Variants in AASS observed in about 807,000 individuals in gnomAD.
AASS encodes aminoadipate-semialdehyde synthase.
AASS carries 86 observed loss-of-function variants against 105.4 expected under a neutral mutation model. The ratio of observed to expected loss-of-function variants is 0.82; its 90% CI spans 0.69 to 0.98. AASS has a LOEUF of 0.98. AASS is among the 50% of genes least tolerant of loss of function. AASS has a pLI of 0.00. For synonymous variants in AASS, 381 were observed against 394.8 expected, an observed-to-expected ratio of 0.96 and a Z score of 0.41; for missense variants, 1,048 against 1,143.2, an observed-to-expected ratio of 0.92 and a Z score of 1.20.
intron 23 of AASS, among the ~76,000 whole-genome samples, chr7:122,077,437 C>T (rs1195778848): frequency 6.6e-6 from 1 of 151,990 alleles, no homozygotes; most frequent in African/African-American, 2.4e-5. Flanking sequence ...TGGCAAAAAC[C>T]AAAGAAAGAA....
chr7:122,113,856 G>C (rs1584868318), intron 9 of AASS, 136 bp from the exon 10 acceptor site: 2 of 899,164 alleles, frequency 2.2e-6, no homozygotes, highest in East Asian at 2.8e-5. Context: ...TTTTCCTATA[G>C]CTCATTCTTC....
chr7:122,087,954 G>A (rs577354541), intron 18 of AASS, among the ~76,000 whole-genome samples: 2 of 152,118 alleles, frequency 1.3e-5, no homozygotes, highest in Non-Finnish European at 2.9e-5. Flanking sequence ...GAGAATGGCA[G>A]GTGGCTAAGC....
chr7:122,137,955 G>T (rs796300311), intron 1 of AASS, among the ~76,000 whole-genome samples: 3 of 152,178 alleles, frequency 2.0e-5, no homozygotes, highest in African/African-American at 7.2e-5. Context: ...AAAGCAGGAG[G>T]CAGAGAGGGG....
At chr7:122,079,521 T>C (rs1793205560) in intron 21 of AASS, 76 bp downstream of exon 21, 9 of 1,264,640 alleles carry the variant, frequency 7.1e-6, no homozygotes, top group Non-Finnish European at 1.0e-5. Context: ...ATGTAAAATA[T>C]TTAACTTTTT....
chr7:122,134,631 A>G (rs1482218795), intron 1 of AASS, among the ~76,000 whole-genome samples: 1 of 152,198 alleles, frequency 6.6e-6, no homozygotes, highest in Non-Finnish European at 1.5e-5. Flanking sequence ...GGATTTTACA[A>G]AAGTATTGGT....
At chr7:122,131,589 G>A (rs1039851500) in intron 2 of AASS, among the ~76,000 whole-genome samples, 1 of 151,708 alleles carries the variant, frequency 6.6e-6, no homozygotes, top group Admixed American at 6.6e-5. Context: ...AGGTCTTTTA[G>A]TATCAGTATT....
intron 15 of AASS, among the ~76,000 whole-genome samples, chr7:122,096,661 G>A: frequency 6.6e-6 from 1 of 151,880 alleles, no homozygotes; most frequent in Non-Finnish European, 1.5e-5. Context: ...GAATGTTATA[G>A]GATAACATTG....
intron 19 of AASS, among the ~76,000 whole-genome samples, chr7:122,085,518 C>G (rs2215359): frequency 6.6e-6 from 1 of 152,068 alleles, no homozygotes; most frequent in Non-Finnish European, 1.5e-5. Flanking sequence ...TTGACTCCAT[C>G]TCCAGTTCTA....
intron 10 of AASS, 148 bp from the exon 11 acceptor site, chr7:122,113,377 C>A: frequency 1.0e-6 from 1 of 995,650 alleles, no homozygotes; most frequent in African/African-American, 1.6e-5. Context: ...ACTTTTCAAA[C>A]AAAACGTTTT....
intron 13 of AASS, among the ~76,000 whole-genome samples, chr7:122,099,595 ATTTTGTC>A (rs1318346646): frequency 2.0e-5 from 3 of 151,870 alleles, no homozygotes; most frequent in African/African-American, 7.2e-5. Context: ...TGCTCAGCAC[ATTTTGTC>A]TTAAATATGG....
Position 122,076,091 on chromosome 7 carries a change from G to A in AASS, c.*398C>T, listed in dbSNP as rs997085353. The A allele has an allele frequency of 2.0e-4, 37 of 182,614 alleles. No homozygotes were observed. Among genetic ancestry groups the A allele is most frequent in the Admixed American group, 5.1e-4 (9 of 17,652 alleles). The allele number at this position is 182,614 out of a possible 1,614,324, so 11.3% of individuals were successfully genotyped here. On this transcript the variant is annotated 3_prime_UTR_variant, in exon 24 of 24. Coordinates refer to ENST00000417368, the MANE Select transcript of AASS (RefSeq NM_005763.4). The stretch of plus-strand genomic sequence containing the variant: ...TGGGAGGCTGAGGCAGGAGAATGGC[G>A]TGAACCCAGGAGGCGGAGCTTGCAG...
intron 6 of AASS, 133 bp from the exon 7 acceptor site, chr7:122,117,090 C>CAGA (rs761310694): frequency 1.8e-4 from 143 of 783,222 alleles, no homozygotes; most frequent in Non-Finnish European, 2.8e-4. Flanking sequence ...GACTGCAACA[C>CAGA]AGAAATACAG....
chr7:122,134,914 C>A (rs10246405), intron 1 of AASS, among the ~76,000 whole-genome samples: 20,847 of 152,074 alleles, frequency 0.14, 1,663 homozygotes, highest in East Asian at 0.23. Flanking sequence ...GAAAATGTGG[C>A]ACATATACAC....
intron 15 of AASS, among the ~76,000 whole-genome samples, chr7:122,097,745 G>T (rs891464622): frequency 6.6e-6 from 1 of 151,924 alleles, no homozygotes; most frequent in African/African-American, 2.4e-5. Flanking sequence ...TTCCATTTAA[G>T]CTTTATAACT....
rs200823788 is a variant in AASS, at chr7:122,074,481, TTTTAA to T, written c.*2003_*2007del. ...TCCTTGGAAACACAAATGGTTTTAATTTTAATTTACCTATTTTCTTCTTTTGTTGC... is the reference window on the plus strand; with the variant it reads ...TCCTTGGAAACACAAATGGTTTTAATTTTACCTATTTTCTTCTTTTGTTGC... On this transcript the variant is annotated 3_prime_UTR_variant, in exon 24 of 24. Coordinates refer to ENST00000417368, the MANE Select transcript of AASS (RefSeq NM_005763.4). Among the ~76,000 whole-genome samples, 1,108 of 152,346 alleles carry T rather than the reference TTTTAA, an allele frequency of 7.3e-3. 22 individuals carry two copies. Among genetic ancestry groups the T allele is most frequent in the African/African-American group, 0.024 (1,009 of 41,576 alleles).
intron 1 of AASS, among the ~76,000 whole-genome samples, chr7:122,143,129 C>T (rs940184092): frequency 6.6e-6 from 1 of 151,938 alleles, no homozygotes; most frequent in Non-Finnish European, 1.5e-5. Context: ...AACCCAGAAA[C>T]ACCAAAGTGC....
chr7:122,084,268 CAT>C (rs988353547), intron 19 of AASS, among the ~76,000 whole-genome samples: 2 of 152,076 alleles, frequency 1.3e-5, no homozygotes, highest in Admixed American at 6.6e-5. Flanking sequence ...ACTGATGTCT[CAT>C]TTGATTCCTG....
chr7:122,129,758 CAT>C (rs139822555), intron 2 of AASS, among the ~76,000 whole-genome samples: 31 of 150,628 alleles, frequency 2.1e-4, no homozygotes, highest in African/African-American at 6.3e-4. Context: ...GAAAACACAG[CAT>C]ATATATATAT....
chr7:122,109,822 A>T (rs932124138), intron 11 of AASS, among the ~76,000 whole-genome samples: 2 of 152,102 alleles, frequency 1.3e-5, no homozygotes, highest in Non-Finnish European at 2.9e-5. Context: ...ACATCAAACT[A>T]AAAAGCTTCT....
Sources: allele counts gnomAD v4.1 joint callset (sites outside exome capture counted in the v4.1 genomes callset), GRCh38; gene constraint gnomAD v4.1.1; transcripts MANE v1.5; gene names NCBI Gene and HGNC (gene_info 2026-07-23, HGNC 2026-07-21).